Variants in ST18 observed in about 807,000 individuals in gnomAD.
The protein encoded by ST18 is suppression of tumorigenicity 18 protein.
Under a neutral mutation model 110.0 loss-of-function variants are expected in ST18, and 50 were observed. The ratio of observed to expected loss-of-function variants is 0.45; its 90% CI spans 0.36 to 0.58. ST18 has a LOEUF of 0.58. Ranked by LOEUF, ST18 falls within the 20% of genes least tolerant of loss-of-function variation. ST18 has a pLI of 0.00. For synonymous variants in ST18, 461 were observed against 452.4 expected (o/e 1.02, Z -0.24); for missense variants, 1,306 against 1,280.1 (o/e 1.02, Z -0.31).
intron 2 of ST18, among the ~76,000 whole-genome samples, chr8:52,308,458 T>G (rs910680746): frequency 6.6e-6 from 1 of 152,218 alleles, no homozygotes; most frequent in African/African-American, 2.4e-5. Flanking sequence ...TTCTTGAGAC[T>G]CCTACAGCCA....
chr8:52,287,135 C>G (rs77270091), intron 2 of ST18, among the ~76,000 whole-genome samples: 3 of 152,068 alleles, frequency 2.0e-5, no homozygotes, highest in African/African-American at 7.2e-5. Flanking sequence ...TTTCAGTAAG[C>G]CTTTTAAACA....
chr8:52,269,655 C>T (rs1333449320), intron 2 of ST18, among the ~76,000 whole-genome samples: 3 of 151,990 alleles, frequency 2.0e-5, no homozygotes, highest in African/African-American at 7.2e-5. Context: ...GTTTGAGTGC[C>T]AGGAGGAGAG....
intron 2 of ST18, among the ~76,000 whole-genome samples, chr8:52,398,080 A>T (rs1419045084): frequency 6.6e-6 from 1 of 152,070 alleles, no homozygotes; most frequent in Non-Finnish European, 1.5e-5. Context: ...ACATGGACAC[A>T]TTTATTTATA....
chr8:52,330,993 G>A (rs1809055876), intron 2 of ST18, among the ~76,000 whole-genome samples: 1 of 152,182 alleles, frequency 6.6e-6, no homozygotes, highest in Non-Finnish European at 1.5e-5. Flanking sequence ...GGCAGGCAGA[G>A]GCAAGCACTT....
chr8:52,357,704 TA>T (rs1564568377), intron 2 of ST18, among the ~76,000 whole-genome samples: 4,616 of 113,822 alleles, frequency 0.041, 349 homozygotes, highest in African/African-American at 0.1. Context: ...TATATATATA[TA>T]TATATATATA....
At chr8:52,362,504 T>A (rs138901911) in intron 2 of ST18, among the ~76,000 whole-genome samples, 1 of 152,180 alleles carries the variant, frequency 6.6e-6, no homozygotes, top group Non-Finnish European at 1.5e-5. Context: ...TAAACAGTCA[T>A]AGTACAACCT....
intron 2 of ST18, among the ~76,000 whole-genome samples, chr8:52,239,414 T>C (rs2093138422): frequency 6.6e-6 from 1 of 152,108 alleles, no homozygotes; most frequent in Non-Finnish European, 1.5e-5. Context: ...CACAGTAAGG[T>C]GCCTGCATGC....
chr8:52,203,704 C>G (rs2078876309), intron 8 of ST18, among the ~76,000 whole-genome samples: 1 of 152,144 alleles, frequency 6.6e-6, no homozygotes, highest in Non-Finnish European at 1.5e-5. Context: ...TGCATTTCTT[C>G]AAGTAGGACT....
intron 2 of ST18, among the ~76,000 whole-genome samples, chr8:52,283,653 G>C (rs181626125): frequency 6.6e-6 from 1 of 152,282 alleles, no homozygotes; most frequent in Non-Finnish European, 1.5e-5. Context: ...TCAGCTGCTG[G>C]AAGTCGCGTG....
chr8:52,170,951 T>A (rs2064732810), intron 10 of ST18, among the ~76,000 whole-genome samples: 1 of 152,226 alleles, frequency 6.6e-6, no homozygotes, highest in African/African-American at 2.4e-5. Context: ...TCCACTGCCC[T>A]GATTTTTTCT....
intron 2 of ST18, among the ~76,000 whole-genome samples, chr8:52,319,485 C>CTA (rs1802928118): frequency 6.6e-6 from 1 of 152,098 alleles, no homozygotes; most frequent in Non-Finnish European, 1.5e-5. Flanking sequence ...AAATATGCAT[C>CTA]TATAATATGT....
At chr8:52,230,850 T>G (rs964222385) in intron 2 of ST18, among the ~76,000 whole-genome samples, 1 of 151,916 alleles carries the variant, frequency 6.6e-6, no homozygotes, top group Non-Finnish European at 1.5e-5. Flanking sequence ...CACAGAAAGC[T>G]TTGTCTCACT....
intron 2 of ST18, among the ~76,000 whole-genome samples, chr8:52,400,842 T>C (rs1254343709): frequency 2.0e-5 from 3 of 152,088 alleles, no homozygotes; most frequent in African/African-American, 4.8e-5. Context: ...TACTAGAGAG[T>C]TGAAAGATTT....
intron 6 of ST18, among the ~76,000 whole-genome samples, chr8:52,215,909 C>T (rs970090371): frequency 1.2e-4 from 19 of 152,148 alleles, no homozygotes; most frequent in African/African-American, 4.3e-4. Context: ...AAATGAATAA[C>T]TAGATTATGA....
In ST18 at chr8:52,169,271, A is replaced by G. The variant is rs149463534; in HGVS notation, c.1070-2285T>C. Among the ~76,000 whole-genome samples the G allele has an allele frequency of 1.4e-4, 21 of 152,272 alleles. No homozygotes were observed. In the East Asian group the frequency reaches 3.1e-3, roughly 22 times the overall value. On this transcript the variant is annotated intron_variant, in intron 10 of 25. Coordinates refer to ENST00000689386, the MANE Select transcript of ST18 (RefSeq NM_001352837.2). ...GCTCTTCCTCTGTTTTCTTTGTACA[A>G]TGTTGCATAATGAGGGTGACCTTAT...
intron 6 of ST18, among the ~76,000 whole-genome samples, chr8:52,216,654 C>T (rs769439195): frequency 7.9e-5 from 12 of 152,106 alleles, no homozygotes; most frequent in African/African-American, 2.4e-4. Flanking sequence ...GAGAGTTTAT[C>T]GCTCGTGAGA....
At chr8:52,226,783 T>C (rs1319958830) in intron 3 of ST18, among the ~76,000 whole-genome samples, 1 of 152,216 alleles carries the variant, frequency 6.6e-6, no homozygotes, top group African/African-American at 2.4e-5. Flanking sequence ...AGAGCACTTG[T>C]TGATTCACAA....
chr8:52,255,634 T>G (rs2094502193), intron 2 of ST18, among the ~76,000 whole-genome samples: 1 of 152,210 alleles, frequency 6.6e-6, no homozygotes, highest in African/African-American at 2.4e-5. Flanking sequence ...CAAGTCTACT[T>G]ATTTTTCATT....
In ST18 at chr8:52,116,427, G is replaced by C; in HGVS notation, c.2860-9C>G. ...CTCTCCATAGATGTGATCTACAACA[G>C]AAATAACTTGGGAATGTGAGTAGTG... On this transcript the variant is annotated splice_polypyrimidine_tract_variant and intron_variant, in intron 24 of 25. Coordinates refer to ENST00000689386, the MANE Select transcript of ST18 (RefSeq NM_001352837.2). 6.2e-7 allele frequency: 1 copy of C among 1,608,016 alleles called. No individual in the cohort carries two copies. Among genetic ancestry groups the C allele is most frequent in the Non-Finnish European group, 8.5e-7 (1 of 1,176,952 alleles).
Sources: allele counts gnomAD v4.1 joint callset (sites outside exome capture counted in the v4.1 genomes callset), GRCh38; gene constraint gnomAD v4.1.1; transcripts MANE v1.5; gene names NCBI Gene and HGNC (gene_info 2026-07-23, HGNC 2026-07-21).